PLGRKT: variants seen among roughly 807,000 people sequenced by gnomAD.
The protein encoded by PLGRKT is plasminogen receptor with a C-terminal lysine, also known as plasminogen receptor (KT).
PLGRKT carries 22 observed loss-of-function variants against 18.5 expected under a neutral mutation model. The ratio of observed to expected loss-of-function variants is 1.19; its 90% CI spans 0.85 to 1.70. The LOEUF (loss-of-function observed/expected upper bound fraction) is 1.70. Among genes scored for constraint, PLGRKT ranks in the 40% most tolerant of loss-of-function variants. The pLI is 0.00. For missense variants in PLGRKT, 235 were observed against 174.4 expected (o/e 1.35, Z -1.96); for synonymous variants, 72 against 52.8 (o/e 1.36, Z -1.58).
At chr9:5,368,422 T>A (rs1817442726) in intron 3 of PLGRKT, among the ~76,000 whole-genome samples, 1 of 152,122 alleles carries the variant, frequency 6.6e-6, no homozygotes, top group African/African-American at 2.4e-5. Context: ...TTAAATCATA[T>A]CCTTTGCAGC....
chr9:5,368,655 G>A (rs182044926), intron 3 of PLGRKT, among the ~76,000 whole-genome samples: 1 of 152,176 alleles, frequency 6.6e-6, no homozygotes, highest in Non-Finnish European at 1.5e-5. Flanking sequence ...TTGGGTGATG[G>A]AATCATTCGT....
At chr9:5,369,751 G>A (rs1027070124) in intron 3 of PLGRKT, among the ~76,000 whole-genome samples, 2 of 152,180 alleles carry the variant, frequency 1.3e-5, no homozygotes, top group East Asian at 3.9e-4. Context: ...GGAATACTGT[G>A]TAGCCATAAA....
At chr9:5,394,494 C>T (rs1337288428) in intron 3 of PLGRKT, among the ~76,000 whole-genome samples, 1 of 151,892 alleles carries the variant, frequency 6.6e-6, no homozygotes, top group Non-Finnish European at 1.5e-5. Flanking sequence ...CTCACTGCAA[C>T]TTCCGCCTCC....
intron 3 of PLGRKT, among the ~76,000 whole-genome samples, chr9:5,404,650 G>A (rs913632293): frequency 1.3e-5 from 2 of 152,060 alleles, no homozygotes; most frequent in Non-Finnish European, 2.9e-5. Context: ...AGCCATTTAT[G>A]ACAAACCCAC....
Position 5,424,668 on chromosome 9 carries a change from T to A in PLGRKT, c.81+7229A>T, listed in dbSNP as rs60393955. On this transcript the variant is annotated intron_variant, in intron 3 of 5. Transcript: ENST00000223864. ...ATTATATATAATATAATTATATATTTTATATATATATATATATATATATAC... is the reference window on the plus strand; with the variant it reads ...ATTATATATAATATAATTATATATTATATATATATATATATATATATATAC... Among the ~76,000 whole-genome samples, 134 of 113,144 alleles carry A rather than the reference T, an allele frequency of 1.2e-3. 3 individuals are homozygous for A. The East Asian group carries it at 0.013, about 11-fold the overall frequency. 74.2% of individuals were successfully genotyped at this position (113,144 alleles called of 152,430 possible). A position where few individuals can be genotyped will look rare whatever the true frequency, so the allele number is the denominator to read the frequency against.
intron 3 of PLGRKT, among the ~76,000 whole-genome samples, chr9:5,402,545 T>A (rs1027046259): frequency 6.6e-6 from 1 of 151,808 alleles, no homozygotes; most frequent in Non-Finnish European, 1.5e-5. Context: ...CACTGGCTGA[T>A]CCCCATCAGA....
intron 3 of PLGRKT, among the ~76,000 whole-genome samples, chr9:5,367,404 G>T (rs1482343440): frequency 6.6e-6 from 1 of 151,986 alleles, no homozygotes; most frequent in South Asian, 2.1e-4. Flanking sequence ...GTATGCCAAT[G>T]GAAAAGAATA....
chr9:5,360,962 G>A, intron 5 of PLGRKT, 116 bp downstream of exon 5: 1 of 623,764 alleles, frequency 1.6e-6, no homozygotes, highest in Non-Finnish European at 2.8e-6. Context: ...TTGCTCATTG[G>A]AGGTTCAAAG....
chr9:5,386,497 C>T lies in PLGRKT; in HGVS notation c.82-24609G>A, dbSNP rs72703681. On this transcript the variant is annotated intron_variant, in intron 3 of 5. Coordinates refer to ENST00000223864, the MANE Select transcript of PLGRKT (RefSeq NM_018465.4). ...TCATATGATATGCAGTGGACCCCCA[C>T]ACACACACAACAAAACAATTTTCAC... Among the ~76,000 whole-genome samples, 87 of 151,814 alleles carry T rather than the reference C, an allele frequency of 5.7e-4. 1 individual carries two copies. Among genetic ancestry groups the T allele is most frequent in the Middle Eastern group, 3.4e-3 (1 of 294 alleles).
At chr9:5,424,691 T>TACAC (rs1554634194) in intron 3 of PLGRKT, among the ~76,000 whole-genome samples, 12 of 70,472 alleles carry the variant, frequency 1.7e-4, no homozygotes, top group African/African-American at 5.5e-4. Flanking sequence ...TATATATATA[T>TACAC]ACACACAGGG....
intron 3 of PLGRKT, among the ~76,000 whole-genome samples, chr9:5,397,183 G>A (rs1818066256): frequency 6.6e-6 from 1 of 151,900 alleles, no homozygotes; most frequent in Non-Finnish European, 1.5e-5. Flanking sequence ...GGCTACTCGT[G>A]CCTACTAGTG....
chr9:5,411,395 A>AAAAAG (rs1178195748), intron 3 of PLGRKT, among the ~76,000 whole-genome samples: 12 of 148,106 alleles, frequency 8.1e-5, no homozygotes, highest in South Asian at 2.1e-4. Flanking sequence ...AAAAAAAAAA[A>AAAAAG]AAAAGAAAAG....
intron 3 of PLGRKT, among the ~76,000 whole-genome samples, chr9:5,366,096 G>A (rs545162230): frequency 6.6e-6 from 1 of 152,124 alleles, no homozygotes; most frequent in Non-Finnish European, 1.5e-5. Flanking sequence ...ATAAGATTAT[G>A]TTTAAATTCA....
At chr9:5,433,811 A>AG (rs1277959172) in intron 2 of PLGRKT, among the ~76,000 whole-genome samples, 1 of 100,074 alleles carries the variant, frequency 1.0e-5, no homozygotes, top group Non-Finnish European at 2.0e-5. Context: ...CCGTCTGGGA[A>AG]GTGAGGAGCG....
chr9:5,420,074 C>T (rs1818545535), intron 3 of PLGRKT, among the ~76,000 whole-genome samples: 1 of 152,152 alleles, frequency 6.6e-6, no homozygotes, highest in African/African-American at 2.4e-5. Flanking sequence ...CATGTTACAA[C>T]ATGGATGAAT....
chr9:5,359,291 C>A (rs1817208885), intron 5 of PLGRKT, among the ~76,000 whole-genome samples: 1 of 152,104 alleles, frequency 6.6e-6, no homozygotes, highest in Non-Finnish European at 1.5e-5. Flanking sequence ...CTCAAGTGAT[C>A]TGCCTGCTTT....
chr9:5,382,935 G>T (rs1328168367), intron 3 of PLGRKT, among the ~76,000 whole-genome samples: 1 of 152,200 alleles, frequency 6.6e-6, no homozygotes, highest in Non-Finnish European at 1.5e-5. Flanking sequence ...TGGGTTAAAT[G>T]GTGGCCCCTA....
chr9:5,395,475 C>G (rs998086173), intron 3 of PLGRKT, among the ~76,000 whole-genome samples: 4 of 151,840 alleles, frequency 2.6e-5, no homozygotes, highest in African/African-American at 9.7e-5. Context: ...ATGTAAATAA[C>G]TTTGCAGAAT....
intron 3 of PLGRKT, among the ~76,000 whole-genome samples, chr9:5,380,387 AAAG>A (rs1478774148): frequency 6.7e-6 from 1 of 149,270 alleles, no homozygotes; most frequent in African/African-American, 2.5e-5. Context: ...AAAAAAAAAA[AAAG>A]AATAAAAATA....
Sources: gnomAD v4.1 joint callset for allele counts (sites outside exome capture counted in the v4.1 genomes callset) on GRCh38, gnomAD v4.1.1 for gene constraint, MANE v1.5 for transcripts, NCBI Gene and HGNC (gene_info 2026-07-23, HGNC 2026-07-21) for gene names.